Variants in RASSF1 observed in about 807,000 individuals in gnomAD.
RASSF1 encodes Ras association domain family member 1, also known as ras association domain-containing protein 1.
In RASSF1, 33 loss-of-function variants were observed where a neutral mutation model predicts 34.3. That is an observed-to-expected ratio of 0.96 (90% confidence interval 0.73 to 1.29). RASSF1 has a LOEUF of 1.29. Among genes scored for constraint, RASSF1 ranks in the 50% most tolerant of loss-of-function variants. The pLI is 0.00. For synonymous variants in RASSF1, 191 were observed against 195.0 expected, an observed-to-expected ratio of 0.98 and a Z score of 0.17; for missense variants, 445 against 471.8, an observed-to-expected ratio of 0.94 and a Z score of 0.53.
Position 50,330,546 on chromosome 3 carries a change from CCTG to C in RASSF1, c.*32_*34del, listed in dbSNP as rs782455873. 9 of 1,612,092 alleles carry C rather than the reference CCTG, an allele frequency of 5.6e-6. No individual in the cohort carries two copies. The highest frequency in any genetic ancestry group is 2.2e-5 in the South Asian group (2 of 91,012). ...CTCACACGGCACGCACTTGGCGCTG[CCTG>C]CTGTCTGCCTTCCACCTGGGGGTAC... On this transcript the variant is annotated 3_prime_UTR_variant, in exon 6 of 6. Transcript: ENST00000359365. This position sits in a 1 kb window ranked among gnomAD's most constrained non-coding sequence, Gnocchi z 4.5.
In RASSF1 at chr3:50,340,551, C is replaced by G; in HGVS notation, c.250+5G>C. On this transcript the variant is annotated splice_donor_5th_base_variant and intron_variant, in intron 1 of 5. Coordinates refer to ENST00000359365, the MANE Select transcript of RASSF1 (RefSeq NM_007182.5). ...CTCTCGTAGGCGCGCGGGGCCACTA[C>G]TCACGCGCGCACTGCAGGCCTTTGC... 4 of 1,513,402 alleles carry G rather than the reference C, an allele frequency of 2.6e-6. No homozygotes were observed. Among genetic ancestry groups the G allele is most frequent in the African/African-American group, 1.4e-5 (1 of 69,146 alleles). The allele number at this position is 1,513,402 out of a possible 1,614,324, so 93.7% of individuals were successfully genotyped here. A position where few individuals can be genotyped will look rare whatever the true frequency, so the allele number is the denominator to read the frequency against.
chr3:50,335,303 CCTATT>C (rs1703090646), intron 2 of RASSF1, among the ~76,000 whole-genome samples: 1 of 149,300 alleles, frequency 6.7e-6, no homozygotes, highest in Non-Finnish European at 1.5e-5. Context: ...TTCTCAGCCT[CCTATT>C]CTTTCTTTTT....
intron 2 of RASSF1, 142 bp downstream of exon 2, chr3:50,337,763 C>T: frequency 2.1e-6 from 2 of 961,106 alleles, no homozygotes; most frequent in Non-Finnish European, 1.5e-6. Flanking sequence ...CCAGCCCCCG[C>T]GCAGAATTAG....
chr3:50,332,283 C>T (rs780332583), intron 2 of RASSF1, 129 bp from the exon 3 acceptor site: 2 of 698,256 alleles, frequency 2.9e-6, no homozygotes, highest in Non-Finnish European at 4.9e-6. Flanking sequence ...ATATACATAG[C>T]TGGTGCCCAC....
At position 50,330,481 on chromosome 3, in the gene RASSF1, C is replaced by T. The variant is rs1702892808; in HGVS notation, c.*100G>A. 6.7e-7 allele frequency: 1 copy of T among 1,485,062 alleles called. No individual in the cohort carries two copies. Among genetic ancestry groups the T allele is most frequent in the African/African-American group, 1.4e-5 (1 of 72,366 alleles). 92.0% of individuals were successfully genotyped at this position (1,485,062 alleles called of 1,614,324 possible). ...CATTCCCCCAGCACAGGAGGGCCTC[C>T]ATGCACACTCATTCCACAGGCCCCA... is the stretch of plus-strand genomic sequence containing the variant. On this transcript the variant is annotated 3_prime_UTR_variant, in exon 6 of 6. Coordinates refer to ENST00000359365, the MANE Select transcript of RASSF1 (RefSeq NM_007182.5). This position sits in a 1 kb window ranked among gnomAD's most constrained non-coding sequence, Gnocchi z 4.5.
In RASSF1 at chr3:50,338,008, C is replaced by G. The variant is rs774186753; in HGVS notation, c.254G>C (p.Cys85Ser). The G allele has an allele frequency of 6.3e-7, 1 of 1,584,426 alleles. No individual in the cohort carries two copies. The highest frequency in any genetic ancestry group is 1.3e-5 in the African/African-American group (1 of 74,404). The change falls in exon 2 of 6, where the codon TGC becomes TCC. Residue 85 changes from cysteine to serine, a missense_variant. Cys to Ser is a moderately radical substitution (Grantham distance 112, BLOSUM62 -1). Transcript: ENST00000359365. ...GCAGCGGTAGTGGCAGGTGAACTTG[C>G]AATCTGCAGAGAGGCCTGGCGGTGA... ...VVRKGLQCAH[C>S]KFTCHYRCRA...
At chr3:50,337,136 C>T (rs777344175) in intron 2 of RASSF1, 1 of 1,564,038 alleles carries the variant, frequency 6.4e-7, no homozygotes, top group Non-Finnish European at 8.7e-7. Context: ...CCAGCGACCG[C>T]TTCCCCTCCC....
At chr3:50,332,247 C>A in intron 2 of RASSF1, 93 bp from the exon 3 acceptor site, 1 of 1,013,654 alleles carries the variant, frequency 9.9e-7, no homozygotes, top group Admixed American at 1.9e-5. Flanking sequence ...AAACTGACTG[C>A]CTTTGGCCCC....
intron 2 of RASSF1, among the ~76,000 whole-genome samples, chr3:50,333,066 C>T (rs587608362): frequency 2.8e-4 from 42 of 152,214 alleles, no homozygotes; most frequent in African/African-American, 8.7e-4. Context: ...CGCACTCCAG[C>T]CTGGGCAACA....
chr3:50,337,771 T>G (rs1703212188), intron 2 of RASSF1, 134 bp downstream of exon 2: 2 of 1,012,996 alleles, frequency 2.0e-6, no homozygotes, highest in Non-Finnish European at 2.9e-6. Flanking sequence ...CGCGCAGAAT[T>G]AGCCTCTCTG....
rs80125713 is a variant in RASSF1 at position 50,333,229 on chromosome 3, C to A, written c.358-1075G>T. ...CTCTGCCCCGGCACGGGGCCATGAC[C>A]CACTGCAGGGTGAGAGGAGTGGAGA... On this transcript the variant is annotated intron_variant, in intron 2 of 5. Transcript: ENST00000359365. Among the ~76,000 whole-genome samples, 1,379 of 152,338 alleles carry A rather than the reference C, an allele frequency of 9.1e-3. 163 individuals carry two copies. In the East Asian group the frequency reaches 0.23, roughly 26 times the overall value.
chr3:50,331,325 T>G lies in RASSF1; in HGVS notation c.876+9A>C. The G allele has an allele frequency of 6.5e-7, 1 of 1,543,832 alleles. No homozygotes were observed. The highest frequency in any genetic ancestry group is 1.2e-5 in the South Asian group (1 of 85,682). On this transcript the variant is annotated intron_variant, in intron 5 of 5. Transcript: ENST00000359365. ...GTGACAACCAAGAAACTAAGAACTA[T>G]GTACTCACGTTCACCTCCCCAGAGT...
intron 5 of RASSF1, 137 bp downstream of exon 5, chr3:50,331,197 G>T: frequency 1.5e-6 from 1 of 680,612 alleles, no homozygotes; most frequent in Non-Finnish European, 2.3e-6. Flanking sequence ...CTTTGCTTTA[G>T]TTACAATGCC....
chr3:50,334,981 G>A (rs1575543736), intron 2 of RASSF1, among the ~76,000 whole-genome samples: 2 of 151,844 alleles, frequency 1.3e-5, no homozygotes, highest in South Asian at 2.1e-4. Context: ...ACAGAGTCTC[G>A]CTCTGTTTTC....
intron 1 of RASSF1, 139 bp from the exon 2 acceptor site, chr3:50,338,150 T>A: frequency 1.4e-6 from 2 of 1,447,536 alleles, no homozygotes; most frequent in Non-Finnish European, 1.8e-6. Flanking sequence ...TACCTCACAC[T>A]GCTACGCGGA....
chr3:50,331,240 T>C, intron 5 of RASSF1, 94 bp downstream of exon 5: 1 of 1,023,080 alleles, frequency 9.8e-7, no homozygotes, highest in African/African-American at 1.6e-5. Flanking sequence ...GCAGGGCTTG[T>C]CTTCCAGCAC....
At chr3:50,337,564 A>G (rs1461327146) in intron 2 of RASSF1, 1 of 1,417,946 alleles carries the variant, frequency 7.1e-7, no homozygotes, top group Non-Finnish European at 9.5e-7. Context: ...CTCCACTCAC[A>G]GACCCCACCT....
intron 2 of RASSF1, chr3:50,337,667 G>A: frequency 1.1e-6 from 1 of 893,528 alleles, no homozygotes; most frequent in Non-Finnish European, 1.7e-6. Flanking sequence ...CGGGAAGTGC[G>A]CGTGCGCGGA....
Position 50,331,772 on chromosome 3 carries a change from G to T in RASSF1, c.547C>A (p.Pro183Thr). 2 of 1,607,476 alleles carry T rather than the reference G, an allele frequency of 1.2e-6. No individual in the cohort carries two copies. The highest frequency in any genetic ancestry group is 3.3e-5 in the Admixed American group (2 of 59,896). Reference protein sequence around the residue: ...PVSVPSSKKPPSLQDARRGPG... With the variant: ...PVSVPSSKKPTSLQDARRGPG... The stretch of plus-strand genomic sequence containing the variant: ...CCCCGCCGGGCATCCTGCAAGGAGG[G>T]TGGCTTCTTGCTGGAGGGCACAGAG... The change falls in exon 4 of 6, where the codon CCC (proline) becomes ACC (threonine). Residue 183 changes from proline (P) to threonine (T), a missense_variant. Coordinates refer to ENST00000359365, the MANE Select transcript of RASSF1 (RefSeq NM_007182.5).
Sources: allele counts gnomAD v4.1 joint callset (sites outside exome capture counted in the v4.1 genomes callset), GRCh38; gene constraint gnomAD v4.1.1; non-coding constraint Gnocchi (gnomAD v3.1); transcripts MANE v1.5; gene names NCBI Gene and HGNC (gene_info 2026-07-23, HGNC 2026-07-21).